The following PSKH2 variants were observed in gnomAD, a reference collection of about 807,000 sequenced individuals.
The protein encoded by PSKH2 is serine/threonine-protein kinase H2.
A neutral mutation model predicts 22.5 loss-of-function variants in PSKH2; 16 were observed. The ratio of observed to expected loss-of-function variants is 0.71; its 90% CI spans 0.48 to 1.08. The LOEUF is 1.08. PSKH2 is among the 50% of genes least tolerant of loss of function. The probability of loss-of-function intolerance (pLI) is 0.00; values close to 1 mark genes in which losing one functional copy is unlikely to be tolerated. For missense variants in PSKH2, 516 were observed against 492.8 expected, an observed-to-expected ratio of 1.05 and a Z score of -0.44; for synonymous variants, 188 against 184.8, an observed-to-expected ratio of 1.02 and a Z score of -0.14.
At chr8:86,055,036 T>A (rs557044771) in intron 2 of PSKH2, among the ~76,000 whole-genome samples, 17 of 152,314 alleles carry the variant, frequency 1.1e-4, no homozygotes, top group African/African-American at 4.1e-4. Context: ...CTTCTATGCA[T>A]AATATACATT....
chr8:86,050,345 A>G (rs1354308581), intron 2 of PSKH2, among the ~76,000 whole-genome samples: 2 of 152,184 alleles, frequency 1.3e-5, no homozygotes, highest in African/African-American at 4.8e-5. Flanking sequence ...GCCACTTGCT[A>G]TGTGGGCTCT....
intron 1 of PSKH2, among the ~76,000 whole-genome samples, chr8:86,066,976 A>G (rs931281911): frequency 5.9e-5 from 9 of 152,172 alleles, no homozygotes; most frequent in Admixed American, 1.3e-4. Context: ...TATTACCTCT[A>G]TTGTGGATGA....
Position 86,048,733 on chromosome 8 carries a change from A to C in PSKH2, c.887T>G (p.Phe296Cys). 1 of 1,612,932 alleles carries C rather than the reference A, an allele frequency of 6.2e-7. No homozygotes were observed. Among genetic ancestry groups the C allele is most frequent in the Non-Finnish European group, 8.5e-7 (1 of 1,179,156 alleles). Reference protein sequence around the residue: ...WPSISHLAKDFIDKLLILEAG... With the variant: ...WPSISHLAKDCIDKLLILEAG... ...CTCCAAAATCAGTAGTTTGTCTATA[A>C]AGTCCTTCGCCAAGTGGGAAATGCT... is the stretch of plus-strand genomic sequence containing the variant. The change falls in exon 3 of 3, where the codon TTT (phenylalanine) becomes TGT (cysteine). Residue 296 changes from phenylalanine (F) to cysteine (C), a missense_variant. Coordinates refer to ENST00000276616, the MANE Select transcript of PSKH2 (RefSeq NM_033126.3).
At chr8:86,055,770 G>A (rs1480452791) in intron 2 of PSKH2, among the ~76,000 whole-genome samples, 1 of 152,164 alleles carries the variant, frequency 6.6e-6, no homozygotes, top group East Asian at 1.9e-4. Flanking sequence ...AATAAGAGAA[G>A]TTAGTGGAGA....
chr8:86,059,841 T>A (rs1023374293), intron 2 of PSKH2, among the ~76,000 whole-genome samples: 4 of 152,198 alleles, frequency 2.6e-5, no homozygotes, highest in African/African-American at 9.6e-5. Context: ...TATACTTCTT[T>A]GGCATATTTT....
chr8:86,069,901 C>A (rs530985249), upstream of PSKH2, among the ~76,000 whole-genome samples: 1 of 152,298 alleles, frequency 6.6e-6, no homozygotes, highest in South Asian at 2.1e-4. Flanking sequence ...TCACTTTCTG[C>A]ATCTCTAACC....
chr8:86,066,849 TC>T (rs1317267812), intron 1 of PSKH2, among the ~76,000 whole-genome samples: 4 of 152,198 alleles, frequency 2.6e-5, no homozygotes, highest in African/African-American at 9.6e-5. Context: ...TTAAATAGAT[TC>T]TTTCCCCTTT....
At chr8:86,055,384 T>G (rs955612395) in intron 2 of PSKH2, among the ~76,000 whole-genome samples, 1 of 152,110 alleles carries the variant, frequency 6.6e-6, no homozygotes. Flanking sequence ...TGTGATTGAG[T>G]TTAAGAGATG....
intron 2 of PSKH2, among the ~76,000 whole-genome samples, chr8:86,063,621 A>T (rs1487312045): frequency 6.6e-6 from 1 of 152,210 alleles, no homozygotes; most frequent in Admixed American, 6.5e-5. Flanking sequence ...CAGATTGGAG[A>T]AAAAAACTGC....
intron 1 of PSKH2, among the ~76,000 whole-genome samples, chr8:86,067,804 C>T (rs745929409): frequency 6.6e-6 from 1 of 152,166 alleles, no homozygotes; most frequent in Non-Finnish European, 1.5e-5. Flanking sequence ...GGAATCACAA[C>T]GGAGAAGGAA....
intron 2 of PSKH2, among the ~76,000 whole-genome samples, chr8:86,051,176 G>T (rs574718989): frequency 6.6e-6 from 1 of 151,848 alleles, no homozygotes; most frequent in Non-Finnish European, 1.5e-5. Flanking sequence ...GGCGATTCTC[G>T]TGCCTCACTC....
chr8:86,069,467 T>A lies in PSKH2; in HGVS notation c.156A>T (p.Arg52=). The change falls in exon 1 of 3, where the codon CGA becomes CGT. Residue 52 remains arginine, a synonymous_variant. Coordinates refer to ENST00000276616, the MANE Select transcript of PSKH2 (RefSeq NM_033126.3). ...CAAGGACCCGGGGGTCGAACTTGGC[T>A]CGGAAGCGAGCCACCTGTATCCTCT... The part of the protein sequence containing the change: ...AAQRIQVARF[R]AKFDPRVLAR... The A allele has an allele frequency of 6.3e-7, 1 of 1,599,668 alleles. No homozygotes were observed. Among genetic ancestry groups the A allele is most frequent in the East Asian group, 2.3e-5 (1 of 44,412 alleles).
intron 2 of PSKH2, among the ~76,000 whole-genome samples, chr8:86,049,730 GAAA>G (rs752484522): frequency 0.11 from 6,411 of 57,192 alleles, 616 homozygotes; most frequent in East Asian, 0.19. Context: ...AAGAAAGAAA[GAAA>G]GAAAGAAAGA....
In PSKH2 at chr8:86,048,273, A is replaced by G; in HGVS notation, c.*189T>C. On this transcript the variant is annotated 3_prime_UTR_variant, in exon 3 of 3. Transcript: ENST00000276616. ...GCTAGTATTTACTAAACTGTTAATC[A>G]TTTGCAGCAGTATATTTTGGGAAAA... The G allele has an allele frequency of 3.8e-6, 2 of 519,522 alleles. No individual in the cohort carries two copies. Among genetic ancestry groups the G allele is most frequent in the Non-Finnish European group, 6.8e-6 (2 of 293,246 alleles). 32.2% of individuals were successfully genotyped at this position (519,522 alleles called of 1,614,324 possible). A position where few individuals can be genotyped will look rare whatever the true frequency, so the allele number is the denominator to read the frequency against.
In PSKH2 at chr8:86,064,448, G is replaced by T; in HGVS notation, c.369C>A (p.Leu123=). 1 of 1,614,030 alleles carries T rather than the reference G, an allele frequency of 6.2e-7. No individual in the cohort carries two copies. Among genetic ancestry groups the T allele is most frequent in the Non-Finnish European group, 8.5e-7 (1 of 1,180,006 alleles). ...GATCCTCAGTCTCAAAGATCTCCATGAGCTGGACAATGTAACGATGGCTAA... is the reference window on the plus strand; with the variant it reads ...GATCCTCAGTCTCAAAGATCTCCATTAGCTGGACAATGTAACGATGGCTAA... ...RRVSHRYIVQ[L]MEIFETEDQV... is the part of the protein sequence containing the mutation. The change falls in exon 2 of 3, where the codon CTC becomes CTA. Residue 123 remains leucine, a synonymous_variant. Transcript: ENST00000276616.
chr8:86,060,688 A>G (rs920089115), intron 2 of PSKH2, among the ~76,000 whole-genome samples: 13 of 152,194 alleles, frequency 8.5e-5, no homozygotes, highest in Non-Finnish European at 1.8e-4. Flanking sequence ...ACACTTGATG[A>G]TATCAAAAGA....
rs764501314 is a variant in PSKH2 at position 86,069,532 on chromosome 8, C to T, written c.91G>A (p.Gly31Ser). The T allele has an allele frequency of 2.5e-6, 4 of 1,609,208 alleles. No individual in the cohort carries two copies. Among genetic ancestry groups the T allele is most frequent in the Non-Finnish European group, 3.4e-6 (4 of 1,178,558 alleles). ...HEGQNQAGVG[G>S]AGPGPEAAAQ... ...GCCGCCTCGGGCCCAGGCCCCGCGC[C>T]TCCGACGCCGGCTTGGTTTTGACCT... is the stretch of plus-strand genomic sequence containing the variant. The change falls in exon 1 of 3, where the codon GGC (glycine) becomes AGC (serine). Residue 31 changes from glycine to serine, a missense_variant. Coordinates refer to ENST00000276616, the MANE Select transcript of PSKH2 (RefSeq NM_033126.3).
intron 2 of PSKH2, among the ~76,000 whole-genome samples, chr8:86,051,824 G>A (rs1318480624): frequency 2.0e-5 from 3 of 152,130 alleles, no homozygotes; most frequent in Admixed American, 6.5e-5. Flanking sequence ...TGCAGTTGAA[G>A]AAAATAAAGT....
At position 86,048,299 on chromosome 8, in the gene PSKH2, T is replaced by C. The variant is rs28576559; in HGVS notation, c.*163A>G. On this transcript the variant is annotated 3_prime_UTR_variant, in exon 3 of 3. Coordinates refer to ENST00000276616, the MANE Select transcript of PSKH2 (RefSeq NM_033126.3). Reference sequence around the variant, plus strand: ...TTTGCAGCAGTATATTTTGGGAAAATGAATACAGGTATAGGAAAAATTATA... The same window carrying C: ...TTTGCAGCAGTATATTTTGGGAAAACGAATACAGGTATAGGAAAAATTATA... The C allele has an allele frequency of 6.0e-3, 3,331 of 558,880 alleles. 86 individuals are homozygous for C. The highest frequency in any genetic ancestry group is 0.056 in the African/African-American group (3,025 of 53,638). The allele number at this position is 558,880 out of a possible 1,614,324, so 34.6% of individuals were successfully genotyped here.
Sources: gnomAD v4.1 joint callset for allele counts (sites outside exome capture counted in the v4.1 genomes callset) on GRCh38, gnomAD v4.1.1 for gene constraint, MANE v1.5 for transcripts, NCBI Gene and HGNC (gene_info 2026-07-23, HGNC 2026-07-21) for gene names.